Variants in PHLDB2 observed in about 807,000 individuals in gnomAD.
PHLDB2 encodes pleckstrin homology like domain family B member 2.
Under a neutral mutation model 123.6 loss-of-function variants are expected in PHLDB2, and 71 were observed. The ratio of observed to expected loss-of-function variants is 0.57; its 90% CI spans 0.47 to 0.70. The LOEUF (loss-of-function observed/expected upper bound fraction) is 0.70, where lower values mean the gene tolerates loss of function less well. PHLDB2 is among the 30% of genes least tolerant of loss of function. The probability of loss-of-function intolerance (pLI) is 0.00; values close to 1 mark genes in which losing one functional copy is unlikely to be tolerated. For synonymous variants in PHLDB2, 547 were observed against 541.6 expected (o/e 1.01, Z -0.14); for missense variants, 1,446 against 1,519.5 (o/e 0.95, Z 0.80).
chr3:111,763,165 A>G (rs2060023154), intron 1 of PHLDB2, among the ~76,000 whole-genome samples: 2 of 152,242 alleles, frequency 1.3e-5, no homozygotes, highest in Non-Finnish European at 2.9e-5. Flanking sequence ...CAAGGATTTT[A>G]GGTATTTGAT....
At chr3:111,739,601 A>G (rs568365043) in intron 1 of PHLDB2, among the ~76,000 whole-genome samples, 1 of 144,382 alleles carries the variant, frequency 6.9e-6, no homozygotes, top group Non-Finnish European at 1.5e-5. Flanking sequence ...AACAAACAAA[A>G]AAAAAAAACA....
intron 1 of PHLDB2, among the ~76,000 whole-genome samples, chr3:111,836,278 T>A (rs2063390619): frequency 6.6e-6 from 1 of 152,188 alleles, no homozygotes; most frequent in Admixed American, 6.5e-5. Context: ...AGAAGCCCTG[T>A]TCACCTTTAA....
chr3:111,789,082 T>C (rs549966281), intron 1 of PHLDB2, among the ~76,000 whole-genome samples: 5 of 152,358 alleles, frequency 3.3e-5, no homozygotes, highest in African/African-American at 1.2e-4. Context: ...ATCAAATCCC[T>C]GAGTTTTACT....
intron 9 of PHLDB2, among the ~76,000 whole-genome samples, chr3:111,946,421 G>A (rs1458696066): frequency 2.6e-5 from 4 of 152,216 alleles, no homozygotes; most frequent in African/African-American, 7.2e-5. Flanking sequence ...CCTTTAGACA[G>A]TGGAGTTTGG....
intron 8 of PHLDB2, among the ~76,000 whole-genome samples, chr3:111,945,017 ACT>A (rs937716651): frequency 1.3e-5 from 2 of 152,100 alleles, no homozygotes; most frequent in Non-Finnish European, 2.9e-5. Flanking sequence ...TTTTTAAATG[ACT>A]CTATAAAATT....
At chr3:111,804,876 A>G (rs2061511440) in intron 1 of PHLDB2, among the ~76,000 whole-genome samples, 1 of 152,248 alleles carries the variant, frequency 6.6e-6, no homozygotes, top group Non-Finnish European at 1.5e-5. Flanking sequence ...TCACTGAGAA[A>G]TAAAATATTG....
At chr3:111,764,933 C>A (rs1028353118) in intron 1 of PHLDB2, among the ~76,000 whole-genome samples, 5 of 152,172 alleles carry the variant, frequency 3.3e-5, no homozygotes, top group African/African-American at 1.2e-4. Context: ...CTTGCTAATA[C>A]CCAAGCGACA....
intron 1 of PHLDB2, among the ~76,000 whole-genome samples, chr3:111,804,177 T>C (rs756699872): frequency 2.6e-5 from 4 of 152,186 alleles, no homozygotes; most frequent in Non-Finnish European, 4.4e-5. Context: ...ATTAAAATAG[T>C]AAGAAAATGT....
At chr3:111,868,670 T>C (rs998260949) in intron 1 of PHLDB2, among the ~76,000 whole-genome samples, 5 of 152,200 alleles carry the variant, frequency 3.3e-5, no homozygotes, top group Non-Finnish European at 7.3e-5. Flanking sequence ...CTTATTGATA[T>C]TGTCTCCTTT....
chr3:111,864,479 A>G (rs144285657), intron 1 of PHLDB2, among the ~76,000 whole-genome samples: 1 of 152,346 alleles, frequency 6.6e-6, no homozygotes, highest in Non-Finnish European at 1.5e-5. Context: ...TAATTTGCTT[A>G]CAGTTGTTTT....
intron 2 of PHLDB2, chr3:111,885,820 A>C (rs1478245096): frequency 3.6e-6 from 2 of 549,094 alleles, no homozygotes; most frequent in Non-Finnish European, 6.4e-6. Context: ...TGAAATCATG[A>C]CTCACCAAGA....
In PHLDB2 at chr3:111,884,942, A is replaced by G. The variant is rs1256215920; in HGVS notation, c.865A>G (p.Lys289Glu). 7 of 1,614,138 alleles carry G rather than the reference A, an allele frequency of 4.3e-6. No homozygotes were observed. Among genetic ancestry groups the G allele is most frequent in the Non-Finnish European group, 5.9e-6 (7 of 1,180,018 alleles). Residue 289 changes from lysine to glutamate, a missense_variant, in exon 2 of 18, where the codon AAG (lysine) becomes GAG (glutamate). By Grantham distance (56) the Lys-to-Glu change is moderately conservative. Coordinates refer to ENST00000431670, the MANE Select transcript of PHLDB2 (RefSeq NM_001134438.2). ...GNSKRTKLGE[K>E]DLPHSVIDND... ...TTCCAAACGAACAAAACTTGGGGAAAAGGATCTACCTCATAGCGTAATAGA... is the reference window on the plus strand; with the variant it reads ...TTCCAAACGAACAAAACTTGGGGAAGAGGATCTACCTCATAGCGTAATAGA...
At chr3:111,795,708 A>G (rs1450773926) in intron 1 of PHLDB2, among the ~76,000 whole-genome samples, 2 of 152,058 alleles carry the variant, frequency 1.3e-5, no homozygotes, top group African/African-American at 4.8e-5. Flanking sequence ...TTCATAAGTA[A>G]AGACCTGGGT....
intron 1 of PHLDB2, among the ~76,000 whole-genome samples, chr3:111,867,099 C>T (rs1057357942): frequency 6.6e-6 from 1 of 152,086 alleles, no homozygotes. Flanking sequence ...TTGCAAATAT[C>T]TTAAATGTGA....
chr3:111,790,545 G>C (rs2060873444), intron 1 of PHLDB2, among the ~76,000 whole-genome samples: 1 of 152,194 alleles, frequency 6.6e-6, no homozygotes. Context: ...GCCAGACTAT[G>C]ACAGTGAACT....
chr3:111,832,689 T>C (rs1307020542), intron 1 of PHLDB2, among the ~76,000 whole-genome samples: 1 of 92,634 alleles, frequency 1.1e-5, no homozygotes, highest in African/African-American at 6.7e-5. Context: ...ATACATATAA[T>C]ATATATAATA....
At chr3:111,851,283 A>T (rs1282975) in intron 2 of PHLDB2, among the ~76,000 whole-genome samples, 1 of 151,664 alleles carries the variant, frequency 6.6e-6, no homozygotes. Flanking sequence ...TCAAGTGGAA[A>T]ATTAAAAATG....
At chr3:111,915,438 CT>C (rs878987545) in intron 3 of PHLDB2, 91 of 151,826 alleles carry the variant, frequency 6.0e-4, no homozygotes, top group Non-Finnish European at 2.8e-4. Flanking sequence ...TTCTTTCTTT[CT>C]TTTTTTTTGA....
chr3:111,804,802 CA>C (rs2061509131), intron 1 of PHLDB2, among the ~76,000 whole-genome samples: 1 of 152,166 alleles, frequency 6.6e-6, no homozygotes, highest in South Asian at 2.1e-4. Flanking sequence ...AATTTGCACA[CA>C]GGGCTTCTAA....
Sources: gnomAD v4.1 joint callset for allele counts (sites outside exome capture counted in the v4.1 genomes callset) on GRCh38, gnomAD v4.1.1 for gene constraint, MANE v1.5 for transcripts, NCBI Gene and HGNC (gene_info 2026-07-23, HGNC 2026-07-21) for gene names.